The following GALNT13 variants were observed in gnomAD, a reference collection of about 807,000 sequenced individuals.
The protein encoded by GALNT13 is UDP-GalNAc:polypeptide N-acetylgalactosaminyltransferase 13.
A neutral mutation model predicts 64.2 loss-of-function variants in GALNT13; 28 were observed. The ratio of observed to expected loss-of-function variants is 0.44; its 90% CI spans 0.32 to 0.60. The LOEUF is 0.60. Ranked by LOEUF, GALNT13 falls within the 20% of genes least tolerant of loss-of-function variation. The pLI is 0.05. For missense variants in GALNT13, 577 were observed against 669.8 expected, an observed-to-expected ratio of 0.86 and a Z score of 1.53; for synonymous variants, 214 against 224.6, an observed-to-expected ratio of 0.95 and a Z score of 0.42.
At chr2:153,259,059 G>A in the GALNT13 span, among the ~76,000 whole-genome samples, 1 of 152,132 alleles carries the variant, frequency 6.6e-6, no homozygotes, top group South Asian at 2.1e-4. Context: ...GAATTTTCCA[G>A]CTATTATTGT....
the GALNT13 span, among the ~76,000 whole-genome samples, chr2:153,576,507 G>C: frequency 6.6e-6 from 1 of 152,170 alleles, no homozygotes; most frequent in Admixed American, 6.5e-5. Context: ...GGTTAGTTTG[G>C]TCTGGTTTTC....
rs569934189 is a variant in GALNT13 at position 154,073,680 on chromosome 2, A to G, written c.143-66657A>G. Among the ~76,000 whole-genome samples, 6 of 152,088 alleles carry G rather than the reference A, an allele frequency of 3.9e-5. 1 individual carries two copies. The South Asian group carries it at 1.2e-3, about 31-fold the overall frequency. ...AAATGCAAGATAAATCAATATATTTAACCAATTAGAGTATGAAATATTCAT... is the reference window on the plus strand; with the variant it reads ...AAATGCAAGATAAATCAATATATTTGACCAATTAGAGTATGAAATATTCAT... On this transcript the variant is annotated intron_variant, in intron 3 of 12. Coordinates refer to ENST00000392825, the MANE Select transcript of GALNT13 (RefSeq NM_052917.4).
At chr2:153,273,355 G>A in the GALNT13 span, among the ~76,000 whole-genome samples, 4 of 152,188 alleles carry the variant, frequency 2.6e-5, no homozygotes, top group Non-Finnish European at 4.4e-5. Context: ...TAACCTATCT[G>A]CAGGCTAGTA....
chr2:153,100,160 A>C, the GALNT13 span, among the ~76,000 whole-genome samples: 1 of 152,320 alleles, frequency 6.6e-6, no homozygotes, highest in Admixed American at 6.5e-5. Flanking sequence ...TGTCCAATGA[A>C]CCTGAAAAGA....
At chr2:153,768,340 T>C in the GALNT13 span, among the ~76,000 whole-genome samples, 1 of 152,194 alleles carries the variant, frequency 6.6e-6, no homozygotes, top group African/African-American at 2.4e-5. Context: ...ATCCAGAATG[T>C]CACTGTTGAT....
intron 4 of GALNT13, among the ~76,000 whole-genome samples, chr2:154,190,430 T>A (rs1686512192): frequency 6.6e-6 from 1 of 152,198 alleles, no homozygotes; most frequent in South Asian, 2.1e-4. Flanking sequence ...AAGAACCAAA[T>A]ATAATTATAG....
chr2:154,302,636 C>T (rs1278728890), intron 9 of GALNT13, among the ~76,000 whole-genome samples: 1 of 152,072 alleles, frequency 6.6e-6, no homozygotes, highest in Non-Finnish European at 1.5e-5. Context: ...AACATGTGCC[C>T]AAGATGGTTG....
At chr2:153,665,013 T>C in the GALNT13 span, among the ~76,000 whole-genome samples, 2 of 152,150 alleles carry the variant, frequency 1.3e-5, no homozygotes, top group African/African-American at 4.8e-5. Context: ...GGTACCAGAG[T>C]ATGGCAGTCA....
chr2:154,088,119 G>A (rs187013045), intron 3 of GALNT13, among the ~76,000 whole-genome samples: 1,555 of 152,174 alleles, frequency 0.01, 13 homozygotes, highest in South Asian at 0.018. Flanking sequence ...TGTTAATAAA[G>A]AAGTGGCTAC....
intron 11 of GALNT13, among the ~76,000 whole-genome samples, chr2:154,438,086 G>A (rs115433126): frequency 5.5e-4 from 84 of 151,998 alleles, no homozygotes; most frequent in African/African-American, 1.9e-3. Context: ...AAGATCTCTA[G>A]AGAAGATACT....
At chr2:153,951,799 T>C (rs555475835) in intron 3 of GALNT13, among the ~76,000 whole-genome samples, 2 of 152,302 alleles carry the variant, frequency 1.3e-5, no homozygotes, top group East Asian at 3.9e-4. Flanking sequence ...TTTTCTAAAA[T>C]GGATTACATT....
At chr2:153,087,627 AT>A in the GALNT13 span, among the ~76,000 whole-genome samples, 3 of 151,750 alleles carry the variant, frequency 2.0e-5, no homozygotes, top group Non-Finnish European at 2.9e-5. Flanking sequence ...TCTATTGGCT[AT>A]TTTTTTTATT....
At chr2:153,516,104 A>C in the GALNT13 span, among the ~76,000 whole-genome samples, 1 of 152,220 alleles carries the variant, frequency 6.6e-6, no homozygotes, top group East Asian at 1.9e-4. Flanking sequence ...CTTGGATTAG[A>C]GTAGTTGAGG....
At chr2:153,928,259 C>G (rs928217848) in intron 2 of GALNT13, among the ~76,000 whole-genome samples, 1 of 152,026 alleles carries the variant, frequency 6.6e-6, no homozygotes, top group African/African-American at 2.4e-5. Context: ...CTACACATTT[C>G]AAAGAAAGAA....
chr2:153,082,598 TATATATATATATATATATATACAC>T, the GALNT13 span, among the ~76,000 whole-genome samples: 9 of 46,332 alleles, frequency 1.9e-4, no homozygotes, highest in East Asian at 3.2e-3. Context: ...TATATATATA[TATATATATATATATATATATACAC>T]ACACACACAC....
At chr2:153,632,240 A>T in the GALNT13 span, among the ~76,000 whole-genome samples, 41,280 of 152,066 alleles carry the variant, frequency 0.27, 6,006 homozygotes, top group South Asian at 0.41. Flanking sequence ...AACTCATAGA[A>T]CAATTCAGCA....
chr2:153,420,201 G>A, the GALNT13 span, among the ~76,000 whole-genome samples: 7 of 152,220 alleles, frequency 4.6e-5, no homozygotes, highest in South Asian at 2.1e-4. Context: ...CATTATGAAC[G>A]TTTTTAATGC....
At chr2:153,739,103 A>T in the GALNT13 span, among the ~76,000 whole-genome samples, 1 of 151,956 alleles carries the variant, frequency 6.6e-6, no homozygotes, top group Admixed American at 6.6e-5. Context: ...CTTCACATTT[A>T]TATAACTAAC....
chr2:153,756,478 A>G, the GALNT13 span, among the ~76,000 whole-genome samples: 9 of 152,110 alleles, frequency 5.9e-5, no homozygotes, highest in African/African-American at 2.2e-4. Flanking sequence ...TCCTTGTAGT[A>G]GAACTTAATA....
Sources: allele counts gnomAD v4.1 joint callset (sites outside exome capture counted in the v4.1 genomes callset), GRCh38; gene constraint gnomAD v4.1.1; transcripts MANE v1.5; gene names NCBI Gene and HGNC (gene_info 2026-07-23, HGNC 2026-07-21).